Variants in HTR4 observed in about 807,000 individuals in gnomAD.
The protein encoded by HTR4 is 5-hydroxytryptamine (serotonin) receptor 4, G protein-coupled.
In HTR4, 16 loss-of-function variants were observed where a neutral mutation model predicts 36.8. The observed-to-expected ratio is 0.43, with a 90% CI of 0.29 to 0.66. HTR4 has a LOEUF of 0.66. Among genes scored for constraint, HTR4 ranks in the 30% least tolerant of loss-of-function variants. The pLI, the probability that HTR4 is intolerant of heterozygous loss-of-function variation, is 0.13. For missense variants in HTR4, 438 were observed against 490.9 expected, an observed-to-expected ratio of 0.89 and a Z score of 1.02; for synonymous variants, 189 against 185.1, an observed-to-expected ratio of 1.02 and a Z score of -0.17.
chr5:148,505,512 G>T (rs1191754727), intron 6 of HTR4, among the ~76,000 whole-genome samples: 2 of 152,148 alleles, frequency 1.3e-5, no homozygotes. Flanking sequence ...AGTGTTGGAA[G>T]TTCTGGCCAG....
intron 5 of HTR4, among the ~76,000 whole-genome samples, chr5:148,513,024 G>A (rs1018502230): frequency 1.3e-5 from 2 of 151,084 alleles, no homozygotes; most frequent in African/African-American, 2.4e-5. Flanking sequence ...TTTTTACAGG[G>A]TCATGCTCTG....
At chr5:148,590,776 G>T (rs1761533377) in intron 2 of HTR4, among the ~76,000 whole-genome samples, 1 of 151,490 alleles carries the variant, frequency 6.6e-6, no homozygotes, top group South Asian at 2.1e-4. Flanking sequence ...CTCCCAAAAG[G>T]TTATCTGTTT....
intron 2 of HTR4, among the ~76,000 whole-genome samples, chr5:148,618,064 C>T (rs1450847660): frequency 6.6e-6 from 1 of 152,176 alleles, no homozygotes; most frequent in African/African-American, 2.4e-5. Context: ...CATCTCTAGG[C>T]TTCTATGTTC....
chr5:148,527,350 T>C (rs576971060), intron 4 of HTR4, among the ~76,000 whole-genome samples: 20 of 152,318 alleles, frequency 1.3e-4, no homozygotes, highest in African/African-American at 4.8e-4. Flanking sequence ...TATGGTTATA[T>C]TGGTGCTCAT....
chr5:148,544,286 TCTCTCTCTCTCCAC>T (rs1759266541), intron 4 of HTR4, among the ~76,000 whole-genome samples: 3 of 42,824 alleles, frequency 7.0e-5, no homozygotes, highest in East Asian at 8.2e-4. Flanking sequence ...TTTCTCTCTT[TCTCTCTCTCTCCAC>T]CTCTCTTTCT....
At chr5:148,589,964 A>G (rs950325301) in intron 2 of HTR4, among the ~76,000 whole-genome samples, 18 of 152,066 alleles carry the variant, frequency 1.2e-4, no homozygotes, top group African/African-American at 4.1e-4. Flanking sequence ...TATCCTGTCT[A>G]ACAAACTTTG....
intron 2 of HTR4, among the ~76,000 whole-genome samples, chr5:148,617,964 T>C (rs543562816): frequency 6.6e-6 from 1 of 152,292 alleles, no homozygotes; most frequent in South Asian, 2.1e-4. Flanking sequence ...AGGCTTAGCT[T>C]CACTCCCACT....
At position 148,521,037 on chromosome 5, in the gene HTR4, G is replaced by A. The variant is rs1007225270; in HGVS notation, c.507+2156C>T. 9 of 1,359,564 alleles carry A rather than the reference G, an allele frequency of 6.6e-6. No homozygotes were observed. The African/African-American group carries it at 1.0e-4, about 16-fold the overall frequency. The allele number at this position is 1,359,564 out of a possible 1,614,324, so 84.2% of individuals were successfully genotyped here. A position where few individuals can be genotyped will look rare whatever the true frequency, so the allele number is the denominator to read the frequency against. ...AGGAAAGGGCAGCTCCCTGTCTTGA[G>A]GGTCCTGTTGCTCTTAATCTCTCCT... On this transcript the variant is annotated intron_variant, in intron 5 of 6. Transcript: ENST00000377888.
intron 5 of HTR4, among the ~76,000 whole-genome samples, chr5:148,522,656 T>C (rs1421292633): frequency 6.6e-6 from 1 of 152,034 alleles, no homozygotes; most frequent in South Asian, 2.1e-4. Context: ...TGTGATGGGG[T>C]TTTGTAGTAG....
chr5:148,582,210 G>A (rs901076034), intron 2 of HTR4, among the ~76,000 whole-genome samples: 3 of 151,984 alleles, frequency 2.0e-5, no homozygotes, highest in Non-Finnish European at 2.9e-5. Context: ...GCCTGAATTA[G>A]TTTATTAGTT....
chr5:148,490,183 A>ATG lies in HTR4; in HGVS notation c.1077-6892_1077-6891dup, dbSNP rs575869007. On this transcript the variant is annotated intron_variant, in intron 6 of 6. Transcript: ENST00000377888. ...ATAATATACATATACATATATATGT[A>ATG]TGTGTGTGTGTATATATATACATAT... Among the ~76,000 whole-genome samples, 1,149 of 148,094 alleles carry ATG rather than the reference A, an allele frequency of 7.8e-3. 9 individuals carry two copies. Among genetic ancestry groups the ATG allele is most frequent in the Non-Finnish European group, 0.013 (887 of 67,294 alleles).
chr5:148,544,226 T>C (rs1047589510), intron 4 of HTR4, among the ~76,000 whole-genome samples: 5 of 151,878 alleles, frequency 3.3e-5, no homozygotes, highest in Non-Finnish European at 5.9e-5. Flanking sequence ...TCATTCATGA[T>C]CTTTCTTTTT....
downstream of HTR4, among the ~76,000 whole-genome samples, chr5:148,479,399 T>G (rs1176297166): frequency 1.3e-5 from 2 of 152,114 alleles, no homozygotes; most frequent in East Asian, 3.9e-4. Context: ...GGGAGTTGAC[T>G]TTGGCATTTT....
In HTR4 at chr5:148,460,682, G is replaced by T. The variant is rs114844699; in HGVS notation, c.1077-9410C>A. Among the ~76,000 whole-genome samples, 644 of 152,194 alleles carry T rather than the reference G, an allele frequency of 4.2e-3. 6 individuals are homozygous for T. The highest frequency in any genetic ancestry group is 0.015 in the African/African-American group (612 of 41,542). On this transcript the variant is annotated intron_variant, in intron 5 of 5. Transcript: ENST00000521530. ...AGATGGAAGGAAAATAAATAGGCCA[G>T]ATTCTCAGTTTTACATAGAAAAAGG...
At chr5:148,615,792 G>T (rs1038350600) in intron 2 of HTR4, among the ~76,000 whole-genome samples, 2 of 152,060 alleles carry the variant, frequency 1.3e-5, no homozygotes, top group African/African-American at 4.8e-5. Flanking sequence ...TCCTCTTCTT[G>T]CAGACTGCTC....
intron 2 of HTR4, among the ~76,000 whole-genome samples, chr5:148,625,061 T>A (rs1753046017): frequency 6.6e-6 from 1 of 152,080 alleles, no homozygotes. Context: ...CAGGAGATGA[T>A]AAATGACTTC....
chr5:148,536,636 G>A (rs1323268088), intron 4 of HTR4, among the ~76,000 whole-genome samples: 1 of 151,994 alleles, frequency 6.6e-6, no homozygotes, highest in East Asian at 1.9e-4. Context: ...AGATCAAAAA[G>A]CACAAAGAAG....
intron 2 of HTR4, among the ~76,000 whole-genome samples, chr5:148,568,711 A>G (rs7709246): frequency 0.32 from 48,267 of 152,020 alleles, 11,162 homozygotes; most frequent in African/African-American, 0.65. Flanking sequence ...AGGACTGGTT[A>G]TGGGAGGACA....
chr5:148,572,306 G>A (rs918894098), intron 2 of HTR4, among the ~76,000 whole-genome samples: 1 of 152,002 alleles, frequency 6.6e-6, no homozygotes, highest in Non-Finnish European at 1.5e-5. Context: ...ACAGCCTATG[G>A]TTATAGATAT....
Sources: allele counts gnomAD v4.1 joint callset (sites outside exome capture counted in the v4.1 genomes callset), GRCh38; gene constraint gnomAD v4.1.1; transcripts MANE v1.5; gene names NCBI Gene and HGNC (gene_info 2026-07-23, HGNC 2026-07-21).